Variants in GAN observed in about 807,000 individuals in gnomAD.
The protein encoded by GAN is epididymis secretory sperm binding protein.
In GAN, 48 loss-of-function variants were observed where a neutral mutation model predicts 71.3. That is an observed-to-expected ratio of 0.67 (90% confidence interval 0.53 to 0.86). The LOEUF (loss-of-function observed/expected upper bound fraction) is 0.86, where lower values mean the gene tolerates loss of function less well. Among genes scored for constraint, GAN ranks in the 40% least tolerant of loss-of-function variants. The pLI, the probability that GAN is intolerant of heterozygous loss-of-function variation, is 0.00. For missense variants in GAN, 928 were observed against 770.1 expected (o/e 1.21, Z -2.43); for synonymous variants, 386 against 276.8 (o/e 1.39, Z -3.92).
rs556596083 is a variant in GAN, at chr16:81,373,535, T to C, written c.1503-3684T>C. On this transcript the variant is annotated intron_variant, in intron 9 of 10. Transcript: ENST00000648994. ...ATTTCCATAAGCCATTCAATCAGCTTCTCCTAGTGTTAACATCTTACATGA... is the reference window on the plus strand; with the variant it reads ...ATTTCCATAAGCCATTCAATCAGCTCCTCCTAGTGTTAACATCTTACATGA... Among the ~76,000 whole-genome samples the C allele has an allele frequency of 2.6e-5, 4 of 152,294 alleles. No homozygotes were observed. In the South Asian group the frequency reaches 8.3e-4, roughly 32 times the overall value.
intron 2 of GAN, among the ~76,000 whole-genome samples, chr16:81,352,893 T>C (rs949861512): frequency 6.6e-6 from 1 of 152,242 alleles, no homozygotes; most frequent in Non-Finnish European, 1.5e-5. Context: ...ATTAGTATAA[T>C]GAGTTATAAG....
At position 81,365,489 on chromosome 16, in the gene GAN, A is replaced by G. The variant is rs143413333; in HGVS notation, c.1502+11A>G. The G allele has an allele frequency of 4.4e-4, 710 of 1,612,462 alleles. 5 individuals carry two copies. In the African/African-American group the frequency reaches 8.4e-3, roughly 19 times the overall value. The stretch of plus-strand genomic sequence containing the variant: ...TGATGAGTTTAAAAGGTAACTAAGA[A>G]TGGTTTCACATAGCTACTGCAACTT... On this transcript the variant is annotated intron_variant, in intron 9 of 10. Transcript: ENST00000648994.
At chr16:81,369,545 T>C (rs1185456964) in intron 9 of GAN, among the ~76,000 whole-genome samples, 1 of 152,266 alleles carries the variant, frequency 6.6e-6, no homozygotes, top group East Asian at 1.9e-4. Flanking sequence ...GGGTTTCTTT[T>C]ACTCTTTTCT....
intron 1 of GAN, among the ~76,000 whole-genome samples, chr16:81,334,139 G>A (rs533045187): frequency 5.3e-5 from 8 of 152,326 alleles, no homozygotes; most frequent in African/African-American, 1.7e-4. Flanking sequence ...ATTGGACATG[G>A]TTATGCAGAG....
intron 1 of GAN, among the ~76,000 whole-genome samples, chr16:81,326,803 T>C (rs1477763531): frequency 1.3e-5 from 2 of 152,118 alleles, no homozygotes; most frequent in Non-Finnish European, 2.9e-5. Flanking sequence ...TATCTAAACA[T>C]AGAAAAGCCA....
At chr16:81,362,180 A>G (rs1910696398) in intron 5 of GAN, among the ~76,000 whole-genome samples, 1 of 152,190 alleles carries the variant, frequency 6.6e-6, no homozygotes, top group South Asian at 2.1e-4. Flanking sequence ...TGAGAATCCC[A>G]GAGGCTGAGA....
chr16:81,353,065 G>A (rs1322748594), intron 2 of GAN, among the ~76,000 whole-genome samples: 2 of 152,196 alleles, frequency 1.3e-5, no homozygotes, highest in South Asian at 4.1e-4. Flanking sequence ...GCCGAGGCGG[G>A]TGGATCACGA....
chr16:81,382,226 A>C lies in GAN; in HGVS notation c.*4630A>C, dbSNP rs1174519908. ...GGAGCAAGAACCAAAAGCAGAAGCC[A>C]GGTCTTTGGATTATCAGCTCACCAG... On this transcript the variant is annotated 3_prime_UTR_variant, in exon 11 of 11. Transcript: ENST00000648994. The C allele has an allele frequency of 6.6e-6, 1 of 152,180 alleles. No homozygotes were observed. Among genetic ancestry groups the C allele is most frequent in the Admixed American group, 6.5e-5 (1 of 15,280 alleles). The allele number at this position is 152,180 out of a possible 1,614,324, so 9.4% of individuals were successfully genotyped here.
Position 81,377,615 on chromosome 16 carries a change from T to C in GAN, c.*19T>C. On this transcript the variant is annotated 3_prime_UTR_variant, in exon 11 of 11. Coordinates refer to ENST00000648994, the MANE Select transcript of GAN (RefSeq NM_022041.4). ...CCCTTGAGGAGGAAGCAGAGCAGAGTGCGAGATCCTGACCCAAGAGCACCA... is the reference window on the plus strand; with the variant it reads ...CCCTTGAGGAGGAAGCAGAGCAGAGCGCGAGATCCTGACCCAAGAGCACCA... 1 of 1,608,474 alleles carries C rather than the reference T, an allele frequency of 6.2e-7. No homozygotes were observed. The highest frequency in any genetic ancestry group is 8.5e-7 in the Non-Finnish European group (1 of 1,175,184).
rs1169763089 is a variant in GAN at position 81,384,435 on chromosome 16, A to G, written c.*6839A>G. On this transcript the variant is annotated 3_prime_UTR_variant, in exon 11 of 11. Coordinates refer to ENST00000648994, the MANE Select transcript of GAN (RefSeq NM_022041.4). ...GAGTCTTTAAAAGGCTGTTTTCATAATGCAGAAAAGTAGTCTATTTAAACG... is the reference window on the plus strand; with the variant it reads ...GAGTCTTTAAAAGGCTGTTTTCATAGTGCAGAAAAGTAGTCTATTTAAACG... 1 of 152,128 alleles carries G rather than the reference A, an allele frequency of 6.6e-6. No individual in the cohort carries two copies. Among genetic ancestry groups the G allele is most frequent in the Non-Finnish European group, 1.5e-5 (1 of 68,032 alleles). The allele number at this position is 152,128 out of a possible 1,614,324, so 9.4% of individuals were successfully genotyped here.
intron 1 of GAN, among the ~76,000 whole-genome samples, chr16:81,321,839 A>G (rs1909233367): frequency 6.6e-6 from 1 of 152,226 alleles, no homozygotes; most frequent in Admixed American, 6.5e-5. Flanking sequence ...GACACGTGGC[A>G]GGCTATGGTT....
In GAN at chr16:81,384,334, C is replaced by G. The variant is rs895431949; in HGVS notation, c.*6738C>G. The G allele has an allele frequency of 6.6e-6, 1 of 150,968 alleles. No individual in the cohort carries two copies. The highest frequency in any genetic ancestry group is 2.4e-5 in the African/African-American group (1 of 41,132). The allele number at this position is 150,968 out of a possible 1,614,324, so 9.4% of individuals were successfully genotyped here. ...AAAAAAAAGAAAAGAAAAAAAAGCA[C>G]TTACAACCAGGAGGAATAATAATTC... On this transcript the variant is annotated 3_prime_UTR_variant, in exon 11 of 11. Transcript: ENST00000648994.
chr16:81,353,926 C>A (rs1341552337), intron 2 of GAN, among the ~76,000 whole-genome samples: 1 of 152,160 alleles, frequency 6.6e-6, no homozygotes, highest in Non-Finnish European at 1.5e-5. Context: ...ACACTGGAAA[C>A]CCCTCTCCCT....
intron 9 of GAN, among the ~76,000 whole-genome samples, chr16:81,369,567 G>C (rs2608559): frequency 0.23 from 35,343 of 152,138 alleles, 4,313 homozygotes; most frequent in Non-Finnish European, 0.28. Flanking sequence ...GCTTCTTTGG[G>C]TAGAATTCTA....
chr16:81,354,868 A>G, intron 3 of GAN, 113 bp downstream of exon 3: 2 of 686,462 alleles, frequency 2.9e-6, no homozygotes, highest in Admixed American at 4.8e-5. Flanking sequence ...CAGCAATCTA[A>G]AAGATACCTG....
At chr16:81,322,217 T>C (rs1445242106) in intron 1 of GAN, among the ~76,000 whole-genome samples, 2 of 152,236 alleles carry the variant, frequency 1.3e-5, no homozygotes, top group Non-Finnish European at 2.9e-5. Context: ...GCTATTATAG[T>C]GAAGGGATTT....
intron 1 of GAN, among the ~76,000 whole-genome samples, chr16:81,340,576 A>G (rs143056395): frequency 0.01 from 1,569 of 152,256 alleles, 24 homozygotes; most frequent in African/African-American, 0.036. Flanking sequence ...AACAAACAGA[A>G]AGGAATAGCA....
At position 81,386,797 on chromosome 16, in the gene GAN, T is replaced by G. The variant is rs1452254368; in HGVS notation, c.*9201T>G. 1 of 152,150 alleles carries G rather than the reference T, an allele frequency of 6.6e-6. No individual in the cohort carries two copies. The highest frequency in any genetic ancestry group is 6.6e-5 in the Admixed American group (1 of 15,260). 9.4% of individuals were successfully genotyped at this position (152,150 alleles called of 1,614,324 possible). A position where few individuals can be genotyped will look rare whatever the true frequency, so the allele number is the denominator to read the frequency against. On this transcript the variant is annotated 3_prime_UTR_variant, in exon 11 of 11. Coordinates refer to ENST00000648994, the MANE Select transcript of GAN (RefSeq NM_022041.4). ...CCCCGTCTCTATTAAAAATACAAAATTAGCCGGGCATGGTGGCACATGTCT... is the reference window on the plus strand; with the variant it reads ...CCCCGTCTCTATTAAAAATACAAAAGTAGCCGGGCATGGTGGCACATGTCT...
intron 1 of GAN, among the ~76,000 whole-genome samples, chr16:81,329,678 T>C (rs1366335682): frequency 1.3e-5 from 2 of 152,210 alleles, no homozygotes; most frequent in Non-Finnish European, 2.9e-5. Flanking sequence ...ATTTTGTTGA[T>C]ACTTGGTCTC....
Sources: gnomAD v4.1 joint callset for allele counts (sites outside exome capture counted in the v4.1 genomes callset) on GRCh38, gnomAD v4.1.1 for gene constraint, MANE v1.5 for transcripts, NCBI Gene and HGNC (gene_info 2026-07-23, HGNC 2026-07-21) for gene names.